The following ARHGAP26 variants were observed in gnomAD, a reference collection of about 807,000 sequenced individuals.
ARHGAP26 encodes the protein rho GTPase-activating protein 26.
Under a neutral mutation model 104.8 loss-of-function variants are expected in ARHGAP26, and 38 were observed. The ratio of observed to expected loss-of-function variants is 0.36; its 90% CI spans 0.28 to 0.48. The LOEUF is 0.48. ARHGAP26 is among the 20% of genes least tolerant of loss of function. The pLI is 0.99. For synonymous variants in ARHGAP26, 341 were observed against 340.0 expected, an observed-to-expected ratio of 1.00 and a Z score of -0.03; for missense variants, 704 against 947.9, an observed-to-expected ratio of 0.74 and a Z score of 3.38.
intron 17 of ARHGAP26, among the ~76,000 whole-genome samples, chr5:143,087,035 T>C (rs1790693808): frequency 6.6e-6 from 1 of 152,246 alleles, no homozygotes; most frequent in African/African-American, 2.4e-5. Context: ...TCCCAAGCAC[T>C]AAAGTGTTTG....
intron 11 of ARHGAP26, among the ~76,000 whole-genome samples, chr5:142,953,542 C>T (rs1473108622): frequency 6.6e-6 from 1 of 152,174 alleles, no homozygotes; most frequent in Non-Finnish European, 1.5e-5. Flanking sequence ...GTTCAAGCAC[C>T]TGCTTGTTTC....
In ARHGAP26 at chr5:143,131,218, C is replaced by T. The variant is rs551401476; in HGVS notation, c.1699-2749C>T. On this transcript the variant is annotated intron_variant, in intron 18 of 22. Coordinates refer to ENST00000645722, the MANE Select transcript of ARHGAP26 (RefSeq NM_001135608.3). ...ATATTGTCTTGGAAGCAATTTTTCA[C>T]GCATCTGTCTAAAGCCATGGTCCTT... Among the ~76,000 whole-genome samples the T allele has an allele frequency of 9.2e-5, 14 of 152,306 alleles. 1 individual carries two copies. In the South Asian group the frequency reaches 2.9e-3, roughly 32 times the overall value.
In ARHGAP26 at chr5:143,000,966, G is replaced by A. The variant is rs938966080; in HGVS notation, c.1108-13114G>A. On this transcript the variant is annotated intron_variant, in intron 11 of 22. Coordinates refer to ENST00000645722, the MANE Select transcript of ARHGAP26 (RefSeq NM_001135608.3). ...TCTAGATGATGGGTGGATAGGTGCA[G>A]CAAACTAACATGGCACATGTATACC... Among the ~76,000 whole-genome samples the A allele has an allele frequency of 2.0e-5, 3 of 151,912 alleles. No homozygotes were observed. The East Asian group carries it at 5.8e-4, about 29-fold the overall frequency.
At chr5:142,847,074 G>C (rs534306935) in intron 1 of ARHGAP26, among the ~76,000 whole-genome samples, 2 of 152,176 alleles carry the variant, frequency 1.3e-5, no homozygotes, top group South Asian at 4.2e-4. Flanking sequence ...GCTTGCTCTC[G>C]GTGCACCTTG....
rs1754967041 is a variant in ARHGAP26 at position 142,770,447 on chromosome 5, A to C, written c.-315A>C. The stretch of plus-strand genomic sequence containing the variant: ...GCTGCCGAGAGCTAGCTAGCGAAGG[A>C]GGCGGGGAGGCGGCGTCTGCACTCG... On this transcript the variant is annotated 5_prime_UTR_variant, in exon 1 of 23. Coordinates refer to ENST00000645722, the MANE Select transcript of ARHGAP26 (RefSeq NM_001135608.3). The C allele has an allele frequency of 3.6e-5, 7 of 192,688 alleles. No individual in the cohort carries two copies. The highest frequency in any genetic ancestry group is 3.5e-3 in the Middle Eastern group (2 of 572). 11.9% of individuals were successfully genotyped at this position (192,688 alleles called of 1,614,324 possible).
At chr5:143,032,124 C>T (rs1038140800) in intron 12 of ARHGAP26, among the ~76,000 whole-genome samples, 4 of 152,214 alleles carry the variant, frequency 2.6e-5, no homozygotes, top group Admixed American at 1.3e-4. Flanking sequence ...GGAGACAAAG[C>T]AACAAGGCTT....
In ARHGAP26 at chr5:142,947,095, T is replaced by TAAAAAAAAAAAA. The variant is rs1162871899; in HGVS notation, c.1107+14983_1107+14994dup. 227 of 70,444 alleles carry TAAAAAAAAAAAA rather than the reference T, an allele frequency of 3.2e-3. 7 individuals carry two copies. The highest frequency in any genetic ancestry group is 0.012 in the East Asian group (25 of 2,116). The allele number at this position is 70,444 out of a possible 1,614,324, so 4.4% of individuals were successfully genotyped here. A position where few individuals can be genotyped will look rare whatever the true frequency, so the allele number is the denominator to read the frequency against. On this transcript the variant is annotated intron_variant, in intron 11 of 22. Transcript: ENST00000645722. ...CTTTCTACCTCTTTATTTTTAAAAG[T>TAAAAAAAAAAAA]AAAAAAAAAAAAAAAAAAAAAAAAG...
intron 14 of ARHGAP26, among the ~76,000 whole-genome samples, chr5:143,042,451 T>C (rs1783605797): frequency 6.6e-6 from 1 of 152,264 alleles, no homozygotes. Flanking sequence ...CTGGCTGATA[T>C]AAATACAAAG....
intron 20 of ARHGAP26, among the ~76,000 whole-genome samples, chr5:143,171,029 A>C (rs1427837806): frequency 6.6e-6 from 1 of 152,176 alleles, no homozygotes; most frequent in East Asian, 1.9e-4. Flanking sequence ...AGAAAAAGAG[A>C]GGGGAAAAAA....
intron 20 of ARHGAP26, among the ~76,000 whole-genome samples, chr5:143,197,543 T>C (rs1236353582): frequency 6.6e-6 from 1 of 152,242 alleles, no homozygotes; most frequent in African/African-American, 2.4e-5. Flanking sequence ...TCAGGTTTCT[T>C]GCCCATTTCC....
chr5:142,965,437 C>A (rs1598416309), intron 11 of ARHGAP26, among the ~76,000 whole-genome samples: 1 of 152,292 alleles, frequency 6.6e-6, no homozygotes, highest in East Asian at 1.9e-4. Context: ...GGGCGTCTTC[C>A]CAGACGCTGG....
At chr5:143,183,666 C>T (rs1011801787) in intron 20 of ARHGAP26, among the ~76,000 whole-genome samples, 5 of 152,156 alleles carry the variant, frequency 3.3e-5, no homozygotes, top group Admixed American at 6.5e-5. Flanking sequence ...GAAATTCCCC[C>T]GGGGCCTCCT....
At chr5:143,133,912 G>A (rs953838252) in intron 18 of ARHGAP26, 55 bp from the exon 19 acceptor site, 14 of 1,539,106 alleles carry the variant, frequency 9.1e-6, no homozygotes, top group Admixed American at 3.7e-5. Context: ...CTTCAGGCCT[G>A]TTTTCTTCCC....
intron 11 of ARHGAP26, 85 bp from the exon 12 acceptor site, chr5:143,013,995 A>G (rs1368215237): frequency 2.2e-6 from 3 of 1,368,810 alleles, no homozygotes; most frequent in African/African-American, 2.9e-5. Context: ...AAACTAGGGA[A>G]AGTGAGGAAG....
chr5:142,820,779 C>A (rs1766005954), intron 1 of ARHGAP26, among the ~76,000 whole-genome samples: 1 of 152,194 alleles, frequency 6.6e-6, no homozygotes, highest in Non-Finnish European at 1.5e-5. Flanking sequence ...CATTTTTAAG[C>A]AATTGCAATG....
intron 5 of ARHGAP26, among the ~76,000 whole-genome samples, chr5:142,893,941 G>A (rs1316167475): frequency 7.1e-6 from 1 of 140,050 alleles, no homozygotes; most frequent in East Asian, 2.0e-4. Flanking sequence ...TTATTTGTGG[G>A]TTTTTTTTTT....
rs975926362 is a variant in ARHGAP26 at position 143,226,480 on chromosome 5, C to T, written c.*4034C>T. On this transcript the variant is annotated 3_prime_UTR_variant, in exon 23 of 23. Coordinates refer to ENST00000645722, the MANE Select transcript of ARHGAP26 (RefSeq NM_001135608.3). ...TGGGTGACAGAGCCAGACTCCGTCTCAAAGGAAAAAAAAAAAAAAAAAAAA... is the reference window on the plus strand; with the variant it reads ...TGGGTGACAGAGCCAGACTCCGTCTTAAAGGAAAAAAAAAAAAAAAAAAAA... The T allele has an allele frequency of 9.1e-5, 9 of 98,706 alleles. No individual in the cohort carries two copies. The highest frequency in any genetic ancestry group is 1.2e-4 in the Non-Finnish European group (7 of 56,220). The allele number at this position is 98,706 out of a possible 1,614,324, so 6.1% of individuals were successfully genotyped here.
chr5:142,827,137 T>A (rs1239369696), intron 1 of ARHGAP26, among the ~76,000 whole-genome samples: 2 of 152,024 alleles, frequency 1.3e-5, no homozygotes, highest in Non-Finnish European at 1.5e-5. Context: ...TTTTCTACCC[T>A]ATTTTTTTTC....
Position 143,164,263 on chromosome 5 carries a change from TA to T in ARHGAP26, c.1988+16884del, listed in dbSNP as rs1801650195. Among the ~76,000 whole-genome samples, 10 of 152,094 alleles carry T rather than the reference TA, an allele frequency of 6.6e-5. No homozygotes were observed. The South Asian group carries it at 2.1e-3, about 32-fold the overall frequency. Reference sequence around the variant, plus strand: ...CTGAATCAATGTAACCAGGAAAAAATAAGTGAAGAGAGACTGTGCCTTGCCA... The same window carrying T: ...CTGAATCAATGTAACCAGGAAAAAATAGTGAAGAGAGACTGTGCCTTGCCA... On this transcript the variant is annotated intron_variant, in intron 20 of 22. Transcript: ENST00000645722.
Sources: gnomAD v4.1 joint callset for allele counts (sites outside exome capture counted in the v4.1 genomes callset) on GRCh38, gnomAD v4.1.1 for gene constraint, MANE v1.5 for transcripts, NCBI Gene and HGNC (gene_info 2026-07-23, HGNC 2026-07-21) for gene names.